Variants in CFAP97 observed in about 807,000 individuals in gnomAD.
The protein encoded by CFAP97 is cilia and flagella associated protein 97.
In CFAP97, 36 loss-of-function variants were observed where a neutral mutation model predicts 43.1. The observed-to-expected ratio is 0.84, with a 90% CI of 0.64 to 1.10. CFAP97 has a LOEUF of 1.10. Ranked by LOEUF, CFAP97 falls within the 50% of genes least tolerant of loss-of-function variation. The pLI, the probability that CFAP97 is intolerant of heterozygous loss-of-function variation, is 0.00. For synonymous variants in CFAP97, 228 were observed against 225.7 expected (o/e 1.01, Z -0.09); for missense variants, 657 against 620.3 (o/e 1.06, Z -0.63).
At chr4:185,173,291 A>G (rs1238008500) in intron 3 of CFAP97, among the ~76,000 whole-genome samples, 2 of 147,828 alleles carry the variant, frequency 1.4e-5, no homozygotes, top group African/African-American at 4.9e-5. Context: ...TGAACCTGGG[A>G]GGCAGAGGTT....
At chr4:185,182,377 G>GC (rs1735827851) in intron 2 of CFAP97, 4 of 152,048 alleles carry the variant, frequency 2.6e-5, no homozygotes, top group Non-Finnish European at 5.9e-5. Flanking sequence ...TTTGCATGGA[G>GC]GTGGAAAATT....
chr4:185,198,657 C>G (rs970849549), intron 1 of CFAP97, among the ~76,000 whole-genome samples: 2 of 151,848 alleles, frequency 1.3e-5, no homozygotes, highest in African/African-American at 2.4e-5. Context: ...GGTGTGGTGG[C>G]GCATGCCTGT....
At chr4:185,179,955 C>CT (rs1642921034) in intron 2 of CFAP97, among the ~76,000 whole-genome samples, 1 of 152,094 alleles carries the variant, frequency 6.6e-6, no homozygotes, top group Non-Finnish European at 1.5e-5. Flanking sequence ...TGAATTTTAT[C>CT]TTTTTAGTGT....
Position 185,163,364 on chromosome 4 carries a change from C to T in CFAP97, c.1472-439G>A, listed in dbSNP as rs566704024. Among the ~76,000 whole-genome samples the T allele has an allele frequency of 5.9e-5, 9 of 152,106 alleles. No individual in the cohort carries two copies. The South Asian group carries it at 1.5e-3, about 25-fold the overall frequency. On this transcript the variant is annotated intron_variant, in intron 4 of 4. Coordinates refer to ENST00000458385, the MANE Select transcript of CFAP97 (RefSeq NM_020827.3). ...AGAGTTGAAGACTCACGAGGGCGGG[C>T]GCTGGGAAGTTGTGGCATCGGGCGG...
intron 3 of CFAP97, among the ~76,000 whole-genome samples, chr4:185,170,764 C>T (rs895202979): frequency 4.0e-5 from 6 of 151,070 alleles, no homozygotes; most frequent in African/African-American, 1.5e-4. Context: ...GCTGGTGGAT[C>T]ACCTGAGGTC....
chr4:185,186,893 A>T (rs927229266), intron 2 of CFAP97, among the ~76,000 whole-genome samples: 2 of 152,234 alleles, frequency 1.3e-5, no homozygotes, highest in Admixed American at 6.5e-5. Flanking sequence ...AATGTTTAAA[A>T]ATCGTTGTGT....
At chr4:185,182,700 A>T (rs1017444177) in intron 2 of CFAP97, among the ~76,000 whole-genome samples, 20 of 152,200 alleles carry the variant, frequency 1.3e-4, no homozygotes, top group Middle Eastern at 6.3e-3. Flanking sequence ...TTGGTTCAAC[A>T]CTGTCTCGTC....
At chr4:185,164,267 T>G in intron 3 of CFAP97, 88 bp from the exon 4 acceptor site, 1 of 1,260,400 alleles carries the variant, frequency 7.9e-7, no homozygotes, top group Non-Finnish European at 1.1e-6. Flanking sequence ...GACATTCACT[T>G]TCTTTCTTTT....
rs773571433 is a variant in CFAP97, at chr4:185,191,139, C to G, written c.58G>C (p.Asp20His). Residue 20 changes from aspartate to histidine, a missense_variant, in exon 2 of 5, where the codon GAC (aspartate) becomes CAC (histidine). By Grantham distance (81) the Asp-to-His change is moderately conservative. Coordinates refer to ENST00000458385, the MANE Select transcript of CFAP97 (RefSeq NM_020827.3). ...GEVDHSFFDS[D>H]FEEGKKCETN... The stretch of plus-strand genomic sequence containing the variant: ...TCACATTTCTTTCCTTCTTCAAAGT[C>G]ACTGTCAAAGAAAGAATGGTCCACT... 6.2e-7 allele frequency: 1 copy of G among 1,608,196 alleles called. No homozygotes were observed. The highest frequency in any genetic ancestry group is 1.1e-5 in the South Asian group (1 of 90,240).
upstream of CFAP97, among the ~76,000 whole-genome samples, chr4:185,205,099 A>G (rs970180969): frequency 1.3e-5 from 2 of 152,214 alleles, no homozygotes; most frequent in African/African-American, 4.8e-5. Flanking sequence ...GTCCTTCACA[A>G]TGCATTTTGT....
upstream of CFAP97, among the ~76,000 whole-genome samples, chr4:185,208,334 A>T (rs761704864): frequency 4.6e-5 from 7 of 152,100 alleles, no homozygotes; most frequent in Non-Finnish European, 1.0e-4. Flanking sequence ...TTAAAAAAGG[A>T]GGAGAAAGGA....
At chr4:185,190,037 C>A in intron 2 of CFAP97, 106 bp downstream of exon 2, 3 of 815,392 alleles carry the variant, frequency 3.7e-6, no homozygotes, top group Non-Finnish European at 5.3e-6. Flanking sequence ...CAATCATTCC[C>A]AACAATAAAA....
upstream of CFAP97, chr4:185,209,963 C>T (rs1737474383): frequency 2.0e-6 from 2 of 983,524 alleles, no homozygotes; most frequent in Non-Finnish European, 1.2e-6. The surrounding 1 kb of genome is among the most constrained non-coding windows in gnomAD (Gnocchi z 5.2). Context: ...GCAGCAGCAG[C>T]GGCGGCGCCG....
chr4:185,174,021 C>A (rs972453800), intron 3 of CFAP97, among the ~76,000 whole-genome samples: 1 of 152,076 alleles, frequency 6.6e-6, no homozygotes, highest in Admixed American at 6.5e-5. Context: ...AGCTAGGCAA[C>A]CTGGATTTGC....
chr4:185,195,892 G>A (rs1736516362), intron 1 of CFAP97, among the ~76,000 whole-genome samples: 1 of 152,164 alleles, frequency 6.6e-6, no homozygotes, highest in Non-Finnish European at 1.5e-5. Flanking sequence ...AAATGTCAAG[G>A]AGTGGAATAA....
intron 1 of CFAP97, among the ~76,000 whole-genome samples, chr4:185,203,579 A>C (rs566935410): frequency 7.8e-4 from 118 of 152,216 alleles, no homozygotes; most frequent in Non-Finnish European, 1.4e-3. Context: ...AGTAGGAAGA[A>C]GTCGTCAGGG....
In CFAP97 at chr4:185,162,323, A is replaced by C. The variant is rs1244485523; in HGVS notation, c.*475T>G. 6.4e-6 allele frequency: 1 copy of C among 155,452 alleles called. No homozygotes were observed. Among genetic ancestry groups the C allele is most frequent in the Non-Finnish European group, 1.4e-5 (1 of 70,150 alleles). 9.6% of individuals were successfully genotyped at this position (155,452 alleles called of 1,614,324 possible). On this transcript the variant is annotated 3_prime_UTR_variant, in exon 5 of 5. Coordinates refer to ENST00000458385, the MANE Select transcript of CFAP97 (RefSeq NM_020827.3). Reference sequence around the variant, plus strand: ...GAAAACAAATTTCAAGATTTGTTTCATAATAAGTGTTAAATCTCATACAAT... The same window carrying C: ...GAAAACAAATTTCAAGATTTGTTTCCTAATAAGTGTTAAATCTCATACAAT...
rs370204724 is a variant in CFAP97 at position 185,190,725 on chromosome 4, C to T, written c.472G>A (p.Val158Ile). 292 of 1,576,190 alleles carry T rather than the reference C, an allele frequency of 1.9e-4. 3 individuals carry two copies. In the South Asian group the frequency reaches 2.6e-3, roughly 14 times the overall value. ...TACTTTTTCCTTATGCTTTTTTTAACGTTAGTAGATGGTTTAGCGGACTTG... is the reference window on the plus strand; with the variant it reads ...TACTTTTTCCTTATGCTTTTTTTAATGTTAGTAGATGGTTTAGCGGACTTG... ...KSKSAKPSTNVKKSIRKKYCK... is the reference protein window; with the variant it reads ...KSKSAKPSTNIKKSIRKKYCK... The change falls in exon 2 of 5, where the codon GTT becomes ATT. Residue 158 changes from valine (V) to isoleucine (I), a missense_variant. Coordinates refer to ENST00000458385, the MANE Select transcript of CFAP97 (RefSeq NM_020827.3).
intron 1 of CFAP97, among the ~76,000 whole-genome samples, chr4:185,194,718 A>G (rs576021440): frequency 5.3e-5 from 8 of 152,312 alleles, no homozygotes; most frequent in African/African-American, 1.7e-4. Context: ...TAGATGATGT[A>G]TGAACATGAA....
Sources: gnomAD v4.1 joint callset for allele counts (sites outside exome capture counted in the v4.1 genomes callset) on GRCh38, gnomAD v4.1.1 for gene constraint, Gnocchi (gnomAD v3.1) non-coding constraint, MANE v1.5 for transcripts, NCBI Gene and HGNC (gene_info 2026-07-23, HGNC 2026-07-21) for gene names.